The following YES1 variants were observed in gnomAD, a reference collection of about 807,000 sequenced individuals.
YES1 encodes tyrosine-protein kinase Yes.
Under a neutral mutation model 70.4 loss-of-function variants are expected in YES1, and 39 were observed. That is an observed-to-expected ratio of 0.55 (90% CI 0.43 to 0.72). YES1 has a LOEUF of 0.72. Among genes scored for constraint, YES1 ranks in the 30% least tolerant of loss-of-function variants. The pLI, the probability that YES1 is intolerant of heterozygous loss-of-function variation, is 0.00. For missense variants in YES1, 495 were observed against 644.8 expected (o/e 0.77, Z 2.52); for synonymous variants, 198 against 218.6 (o/e 0.91, Z 0.83).
At chr18:795,715 T>C (rs571936836) in intron 1 of YES1, among the ~76,000 whole-genome samples, 2 of 114,672 alleles carry the variant, frequency 1.7e-5, no homozygotes, top group South Asian at 5.5e-4. Flanking sequence ...TGAGAACACA[T>C]GGACACAGGG....
chr18:785,024 G>C (rs1324045677), intron 1 of YES1, among the ~76,000 whole-genome samples: 1 of 152,150 alleles, frequency 6.6e-6, no homozygotes, highest in Non-Finnish European at 1.5e-5. Flanking sequence ...AGGGTTCAGA[G>C]AGTCAGTATG....
chr18:804,405 C>T (rs1049454208), intron 1 of YES1, among the ~76,000 whole-genome samples: 2 of 150,620 alleles, frequency 1.3e-5, no homozygotes, highest in Non-Finnish European at 3.0e-5. Context: ...GTCAGGAGTT[C>T]GAGACCAGCC....
intron 8 of YES1, among the ~76,000 whole-genome samples, chr18:741,577 G>A (rs1433113572): frequency 1.3e-5 from 2 of 152,164 alleles, no homozygotes; most frequent in Non-Finnish European, 2.9e-5. Flanking sequence ...GCCAAGGCAG[G>A]CTGATTGCTT....
chr18:786,861 G>A (rs866953098), intron 1 of YES1, among the ~76,000 whole-genome samples: 3 of 151,926 alleles, frequency 2.0e-5, no homozygotes, highest in African/African-American at 7.3e-5. Context: ...TCTTTGAACA[G>A]AAACACACAT....
At chr18:764,753 G>C (rs1904780550) in intron 1 of YES1, among the ~76,000 whole-genome samples, 1 of 151,602 alleles carries the variant, frequency 6.6e-6, no homozygotes, top group South Asian at 2.1e-4. Flanking sequence ...TTTTTTTTGA[G>C]ACGGAGTCTC....
At chr18:757,339 T>C (rs911693971) in intron 1 of YES1, among the ~76,000 whole-genome samples, 1 of 151,636 alleles carries the variant, frequency 6.6e-6, no homozygotes, top group African/African-American at 2.4e-5. Context: ...CCGCCTCTAC[T>C]AAAAATGCAA....
Position 743,376 on chromosome 18 carries a change from C to T in YES1, c.764G>A (p.Cys255Tyr), listed in dbSNP as rs1275516375. The T allele has an allele frequency of 6.2e-7, 1 of 1,612,866 alleles. No individual in the cohort carries two copies. The highest frequency in any genetic ancestry group is 8.5e-7 in the Non-Finnish European group (1 of 1,179,944). The change falls in exon 7 of 12, where the codon TGT (cysteine) becomes TAT (tyrosine). Residue 255 changes from cysteine (C) to tyrosine (Y), a missense_variant. By Grantham distance (194) the Cys-to-Tyr change is radical. Transcript: ENST00000314574. ...DGLCHKLTTV[C>Y]PTVKPQTQGL... ...TTGAGTCTGAGGTTTCACAGTTGGA[C>T]ACACAGTTGTCAACTTGTGGCATAA... is the stretch of plus-strand genomic sequence containing the variant.
chr18:810,994 G>A (rs1907347396), intron 1 of YES1, among the ~76,000 whole-genome samples: 1 of 152,084 alleles, frequency 6.6e-6, no homozygotes, highest in Non-Finnish European at 1.5e-5. Context: ...TTCCTTAAAT[G>A]CACAGTCACG....
At chr18:808,459 G>A (rs995069469) in intron 1 of YES1, among the ~76,000 whole-genome samples, 1 of 152,160 alleles carries the variant, frequency 6.6e-6, no homozygotes, top group Non-Finnish European at 1.5e-5. Flanking sequence ...AATAAGACAA[G>A]ACACTTTAAT....
intron 1 of YES1, among the ~76,000 whole-genome samples, chr18:803,655 T>C (rs976138980): frequency 1.3e-5 from 2 of 152,174 alleles, no homozygotes; most frequent in African/African-American, 4.8e-5. Context: ...ATTGGGAGAA[T>C]CTGAGTCTCC....
chr18:803,546 T>C (rs777756615), intron 1 of YES1, among the ~76,000 whole-genome samples: 2 of 152,204 alleles, frequency 1.3e-5, no homozygotes, highest in African/African-American at 2.4e-5. Flanking sequence ...TACTGTCCTA[T>C]AGGGTTAGAG....
intron 1 of YES1, among the ~76,000 whole-genome samples, chr18:803,318 A>G (rs1295907303): frequency 1.3e-5 from 2 of 152,348 alleles, no homozygotes; most frequent in Admixed American, 1.3e-4. Context: ...GTCAAATGTG[A>G]TAATGCATAT....
In YES1 at chr18:765,248, C is replaced by CTATATA. The variant is rs71174288; in HGVS notation, c.-8-8419_-8-8414dup. On this transcript the variant is annotated intron_variant, in intron 1 of 11. Transcript: ENST00000314574. ...GGACAGGTTTGGGAAAGAGTTACAA[C>CTATATA]TATATATATATATATATATATATAT... Among the ~76,000 whole-genome samples the CTATATA allele has an allele frequency of 5.8e-3, 530 of 91,278 alleles. 12 individuals carry two copies. The highest frequency in any genetic ancestry group is 0.012 in the East Asian group (19 of 1,560). The allele number at this position is 91,278 out of a possible 152,430, so 59.9% of individuals were successfully genotyped here.
rs1489207384 is a variant in YES1, at chr18:812,182, G to T, written c.-77C>A. 2 of 152,536 alleles carry T rather than the reference G, an allele frequency of 1.3e-5. No homozygotes were observed. The highest frequency in any genetic ancestry group is 2.9e-5 in the Non-Finnish European group (2 of 67,998). 9.4% of individuals were successfully genotyped at this position (152,536 alleles called of 1,614,324 possible). ...CGAGGTGGCGGAGGGCGGAGGCGAG[G>T]CCCGCGGGCCCTCTCCCTCCTCCAC... On this transcript the variant is annotated 5_prime_UTR_variant, in exon 1 of 12. Coordinates refer to ENST00000314574, the MANE Select transcript of YES1 (RefSeq NM_005433.4).
intron 9 of YES1, chr18:738,647 A>G (rs1185993363): frequency 7.0e-6 from 1 of 143,138 alleles, no homozygotes; most frequent in Non-Finnish European, 1.5e-5. Context: ...CCGAGATTGC[A>G]CCACTGCATT....
At chr18:791,983 T>G (rs1906276381) in intron 1 of YES1, among the ~76,000 whole-genome samples, 1 of 152,162 alleles carries the variant, frequency 6.6e-6, no homozygotes, top group African/African-American at 2.4e-5. Context: ...ACAGTACATC[T>G]CAATTTGGAC....
At chr18:812,527 C>T (rs1005813921), upstream of YES1, 2 of 152,378 alleles carry the variant, frequency 1.3e-5, no homozygotes, top group Admixed American at 6.5e-5. Flanking sequence ...GGCGACCGGT[C>T]CGTGTCACTT....
At chr18:804,609 C>CA (rs57896154) in intron 1 of YES1, among the ~76,000 whole-genome samples, 9,845 of 38,612 alleles carry the variant, frequency 0.25, 1,794 homozygotes, top group East Asian at 0.38. Flanking sequence ...GACTGAGTCT[C>CA]AAAAAAAAAA....
At chr18:764,280 T>G (rs1332882164) in intron 1 of YES1, among the ~76,000 whole-genome samples, 2 of 152,196 alleles carry the variant, frequency 1.3e-5, no homozygotes, top group Non-Finnish European at 1.5e-5. Context: ...TAGAGCACAA[T>G]GGTACAATCC....
Sources: allele counts gnomAD v4.1 joint callset (sites outside exome capture counted in the v4.1 genomes callset), GRCh38; gene constraint gnomAD v4.1.1; transcripts MANE v1.5; gene names NCBI Gene and HGNC (gene_info 2026-07-23, HGNC 2026-07-21).